Variants in SGCZ observed in about 807,000 individuals in gnomAD.
SGCZ encodes zeta-sarcoglycan.
In SGCZ, 40 loss-of-function variants were observed where a neutral mutation model predicts 41.3. That is an observed-to-expected ratio of 0.97 (90% CI 0.75 to 1.26). The LOEUF (loss-of-function observed/expected upper bound fraction) is 1.26, where lower values mean the gene tolerates loss of function less well. Ranked by LOEUF, SGCZ falls within the 50% of genes most tolerant of loss-of-function variation. SGCZ has a pLI of 0.00. For missense variants in SGCZ, 552 were observed against 369.8 expected (o/e 1.49, Z -4.04); for synonymous variants, 206 against 137.5 (o/e 1.50, Z -3.49).
intron 1 of SGCZ, among the ~76,000 whole-genome samples, chr8:15,049,212 G>C (rs187202510): frequency 1.1e-4 from 16 of 152,254 alleles, no homozygotes; most frequent in African/African-American, 3.6e-4. Context: ...GATAAGCTTT[G>C]GCCTTTGGGC....
intron 1 of SGCZ, among the ~76,000 whole-genome samples, chr8:14,770,985 T>C (rs1003045314): frequency 1.3e-5 from 2 of 152,108 alleles, no homozygotes; most frequent in African/African-American, 4.8e-5. Context: ...AGCTTTTACA[T>C]AAACACAAGT....
intron 1 of SGCZ, among the ~76,000 whole-genome samples, chr8:14,950,391 T>C (rs1007076659): frequency 3.3e-5 from 5 of 151,914 alleles, no homozygotes; most frequent in Non-Finnish European, 5.9e-5. Context: ...CTTTCCTGTT[T>C]TGTTGTTCAG....
chr8:14,140,793 C>T (rs1237668322), intron 5 of SGCZ, among the ~76,000 whole-genome samples: 2 of 152,148 alleles, frequency 1.3e-5, no homozygotes, highest in East Asian at 1.9e-4. Context: ...CTACCAATGC[C>T]TTTCTTCACA....
chr8:14,264,438 AC>A (rs1463257026), intron 3 of SGCZ, among the ~76,000 whole-genome samples: 1 of 152,070 alleles, frequency 6.6e-6, no homozygotes, highest in Non-Finnish European at 1.5e-5. Context: ...AAATCCATGG[AC>A]CCACATGCCA....
chr8:15,187,724 G>A (rs1800391046), intron 1 of SGCZ, among the ~76,000 whole-genome samples: 1 of 151,906 alleles, frequency 6.6e-6, no homozygotes, highest in Non-Finnish European at 1.5e-5. Flanking sequence ...TAAATATCAA[G>A]ATAACTATAG....
intron 3 of SGCZ, among the ~76,000 whole-genome samples, chr8:14,293,240 A>G (rs1047246147): frequency 3.5e-4 from 53 of 152,062 alleles, no homozygotes; most frequent in African/African-American, 1.0e-3. Context: ...CCCAGTGGAC[A>G]ATGGATGTGA....
intron 2 of SGCZ, among the ~76,000 whole-genome samples, chr8:14,460,817 T>C (rs1442057508): frequency 6.6e-6 from 1 of 152,152 alleles, no homozygotes; most frequent in Non-Finnish European, 1.5e-5. Flanking sequence ...TGTATTCAAT[T>C]TAGATACTTG....
At chr8:14,828,486 G>A (rs775385371) in intron 1 of SGCZ, among the ~76,000 whole-genome samples, 9 of 152,170 alleles carry the variant, frequency 5.9e-5, no homozygotes, top group Non-Finnish European at 1.5e-5. Context: ...GCAGACAAGT[G>A]CTGAGTTTTC....
chr8:15,164,421 G>A (rs1201838957), intron 1 of SGCZ, among the ~76,000 whole-genome samples: 1 of 152,020 alleles, frequency 6.6e-6, no homozygotes, highest in Non-Finnish European at 1.5e-5. Context: ...GGACTGGGAC[G>A]CATGGTCCAC....
chr8:14,699,518 A>T (rs1196388391), intron 1 of SGCZ, among the ~76,000 whole-genome samples: 1 of 151,960 alleles, frequency 6.6e-6, no homozygotes, highest in Non-Finnish European at 1.5e-5. Flanking sequence ...AAAACTATAG[A>T]AGAAATTCTA....
chr8:14,889,111 A>T (rs757717627), intron 1 of SGCZ, among the ~76,000 whole-genome samples: 3 of 152,198 alleles, frequency 2.0e-5, no homozygotes, highest in Non-Finnish European at 2.9e-5. Context: ...TCTAACATAT[A>T]TTCTTCTGCT....
chr8:14,228,322 G>A (rs1806444736), intron 4 of SGCZ, among the ~76,000 whole-genome samples: 1 of 151,986 alleles, frequency 6.6e-6, no homozygotes, highest in South Asian at 2.1e-4. Flanking sequence ...TTCAGATAAG[G>A]TATGTAGTCA....
chr8:14,369,235 C>A (rs1269351662), intron 2 of SGCZ, among the ~76,000 whole-genome samples: 3 of 151,976 alleles, frequency 2.0e-5, no homozygotes, highest in Non-Finnish European at 4.4e-5. Context: ...CCAATCCAAT[C>A]CAATCTATGA....
chr8:14,211,689 C>T (rs1046228091), intron 4 of SGCZ, among the ~76,000 whole-genome samples: 22 of 151,996 alleles, frequency 1.4e-4, no homozygotes, highest in Non-Finnish European at 2.4e-4. Context: ...GGAAGTGCTA[C>T]ACACTTTTAA....
intron 5 of SGCZ, among the ~76,000 whole-genome samples, chr8:14,125,936 T>G (rs1802841732): frequency 6.6e-6 from 1 of 152,158 alleles, no homozygotes; most frequent in African/African-American, 2.4e-5. Context: ...TGCAGAAAAC[T>G]GAAAACTGGA....
intron 2 of SGCZ, among the ~76,000 whole-genome samples, chr8:14,348,308 A>T (rs946051396): frequency 6.6e-6 from 1 of 151,942 alleles, no homozygotes; most frequent in Admixed American, 6.6e-5. Flanking sequence ...GAATCCAGAC[A>T]TCTCCCCAAG....
intron 1 of SGCZ, among the ~76,000 whole-genome samples, chr8:14,746,315 A>AT (rs1471866970): frequency 6.6e-6 from 1 of 152,058 alleles, no homozygotes; most frequent in Admixed American, 6.6e-5. Flanking sequence ...AGTTTCACAC[A>AT]TTTTCTTAAG....
chr8:15,063,645 T>C (rs1472377653), intron 1 of SGCZ, among the ~76,000 whole-genome samples: 1 of 152,168 alleles, frequency 6.6e-6, no homozygotes, highest in Admixed American at 6.5e-5. Flanking sequence ...ACTTTGAATA[T>C]TGCTTTTCCA....
intron 1 of SGCZ, among the ~76,000 whole-genome samples, chr8:14,787,175 T>A (rs952618510): frequency 7.9e-5 from 12 of 152,114 alleles, no homozygotes; most frequent in Non-Finnish European, 1.5e-4. Flanking sequence ...ATCCAAGACT[T>A]AAAATCCCCA....
Sources: gnomAD v4.1 joint callset for allele counts (sites outside exome capture counted in the v4.1 genomes callset) on GRCh38, gnomAD v4.1.1 for gene constraint, MANE v1.5 for transcripts, NCBI Gene and HGNC (gene_info 2026-07-23, HGNC 2026-07-21) for gene names.